The following TTC39B variants were observed in gnomAD, a reference collection of about 807,000 sequenced individuals.
TTC39B encodes the protein tetratricopeptide repeat domain 39B, also known as tetratricopeptide repeat protein 39B.
A neutral mutation model predicts 96.6 loss-of-function variants in TTC39B; 92 were observed. The ratio of observed to expected loss-of-function variants is 0.95; its 90% CI spans 0.80 to 1.13. The LOEUF (loss-of-function observed/expected upper bound fraction) is 1.13. Ranked by LOEUF, TTC39B falls within the 50% of genes most tolerant of loss-of-function variation. The pLI is 0.00. For missense variants in TTC39B, 955 were observed against 809.3 expected, an observed-to-expected ratio of 1.18 and a Z score of -2.18; for synonymous variants, 367 against 299.4, an observed-to-expected ratio of 1.23 and a Z score of -2.33.
chr9:15,203,730 AACTGAAGCTTTG>A (rs1383413918), intron 7 of TTC39B, 81 bp downstream of exon 7: 6 of 1,015,422 alleles, frequency 5.9e-6, no homozygotes, highest in Non-Finnish European at 8.6e-6. Context: ...AAGTCAAAAG[AACTGAAGCTTTG>A]ACATAGAATG....
At chr9:15,295,960 C>T (rs1210576439) in intron 1 of TTC39B, among the ~76,000 whole-genome samples, 4 of 152,198 alleles carry the variant, frequency 2.6e-5, no homozygotes, top group Non-Finnish European at 4.4e-5. Flanking sequence ...AGGACTCTCC[C>T]TCTCTGTCCT....
chr9:15,240,043 A>G (rs1314120726), intron 2 of TTC39B, among the ~76,000 whole-genome samples: 4 of 152,210 alleles, frequency 2.6e-5, no homozygotes, highest in Admixed American at 2.6e-4. Flanking sequence ...TGCTTCCCAG[A>G]CCAAATTCTG....
At chr9:15,291,883 C>T in intron 1 of TTC39B, among the ~76,000 whole-genome samples, 1 of 152,210 alleles carries the variant, frequency 6.6e-6, no homozygotes, top group East Asian at 1.9e-4. Flanking sequence ...AGTTCTGCCA[C>T]TTGCTGCCAA....
chr9:15,171,822 A>G, exon 20 of TTC39B: 1 of 357,498 alleles, frequency 2.8e-6, no homozygotes, highest in African/African-American at 2.1e-5. Flanking sequence ...AATTTTCTAG[A>G]TAATATAGAA....
intron 17 of TTC39B, among the ~76,000 whole-genome samples, chr9:15,180,820 G>T (rs1407227193): frequency 1.3e-5 from 2 of 152,166 alleles, no homozygotes; most frequent in African/African-American, 4.8e-5. Flanking sequence ...CCTAGAAGAG[G>T]TCATCATAAG....
At chr9:15,299,131 G>C (rs1235707859) in intron 1 of TTC39B, among the ~76,000 whole-genome samples, 1 of 152,144 alleles carries the variant, frequency 6.6e-6, no homozygotes, top group East Asian at 1.9e-4. Context: ...CCTGAGGCAG[G>C]AGCTGCATTT....
At chr9:15,177,427 G>A (rs1818000358) in intron 18 of TTC39B, among the ~76,000 whole-genome samples, 2 of 152,114 alleles carry the variant, frequency 1.3e-5, no homozygotes, top group African/African-American at 4.8e-5. Context: ...TGCTGCCAGA[G>A]TTTGGCTAGA....
At chr9:15,273,192 C>G (rs1410999980) in intron 1 of TTC39B, among the ~76,000 whole-genome samples, 1 of 152,116 alleles carries the variant, frequency 6.6e-6, no homozygotes, top group African/African-American at 2.4e-5. Flanking sequence ...ATTTTTATCT[C>G]TAGAGAACAA....
intron 18 of TTC39B, among the ~76,000 whole-genome samples, chr9:15,176,311 C>A (rs1259193707): frequency 6.6e-6 from 1 of 152,172 alleles, no homozygotes; most frequent in African/African-American, 2.4e-5. Flanking sequence ...AATAGGTCAT[C>A]CTTTTGATCA....
rs1586913604 is a variant in TTC39B at position 15,226,287 on chromosome 9, T to C, written c.276-275A>G. ...GTCTCCACCCAAAGATAGGATTGTATCTTGTATATATCCGTCCAGGTTTTT... is the reference window on the plus strand; with the variant it reads ...GTCTCCACCCAAAGATAGGATTGTACCTTGTATATATCCGTCCAGGTTTTT... On this transcript the variant is annotated intron_variant, in intron 2 of 19. Transcript: ENST00000512701. Among the ~76,000 whole-genome samples the C allele has an allele frequency of 3.3e-5, 5 of 152,344 alleles. No homozygotes were observed. The South Asian group carries it at 1.0e-3, about 32-fold the overall frequency.
chr9:15,261,231 C>T (rs1822933497), intron 2 of TTC39B, among the ~76,000 whole-genome samples: 1 of 152,114 alleles, frequency 6.6e-6, no homozygotes, highest in Non-Finnish European at 1.5e-5. Context: ...GTAATCCCAA[C>T]ACTATGGGAG....
chr9:15,214,315 A>G, intron 3 of TTC39B, 66 bp from the exon 4 acceptor site: 1 of 729,132 alleles, frequency 1.4e-6, no homozygotes, highest in Non-Finnish European at 2.2e-6. Flanking sequence ...GTCCGAAGGG[A>G]GTGTGTGTGT....
intron 2 of TTC39B, among the ~76,000 whole-genome samples, chr9:15,248,649 A>T (rs1822393319): frequency 6.7e-6 from 1 of 148,152 alleles, no homozygotes; most frequent in Admixed American, 6.8e-5. Context: ...ATGAACGAAT[A>T]TAAGATCTTT....
rs574804757 is a variant in TTC39B, at chr9:15,185,748, G to A, written c.1488-342C>T. On this transcript the variant is annotated intron_variant, in intron 15 of 19. Coordinates refer to ENST00000512701, the Ensembl canonical transcript of TTC39B. Reference sequence around the variant, plus strand: ...CAGGAAATCTAGGTATACAACTGGCGATTTCTACGAGTAAGCAGGAAAGAG... The same window carrying A: ...CAGGAAATCTAGGTATACAACTGGCAATTTCTACGAGTAAGCAGGAAAGAG... 9.8e-5 allele frequency among the ~76,000 whole-genome samples: 15 copies of A among 152,324 alleles called. No homozygotes were observed. The South Asian group carries it at 2.1e-3, about 21-fold the overall frequency.
chr9:15,184,997 C>T (rs943589685), intron 16 of TTC39B, among the ~76,000 whole-genome samples: 1 of 152,070 alleles, frequency 6.6e-6, no homozygotes, highest in Non-Finnish European at 1.5e-5. Flanking sequence ...AATTTCTTCA[C>T]TAAAAAATGG....
intron 1 of TTC39B, among the ~76,000 whole-genome samples, chr9:15,269,711 T>G (rs888016634): frequency 6.1e-5 from 9 of 147,490 alleles, no homozygotes; most frequent in African/African-American, 2.2e-4. Context: ...AAAAATTAGC[T>G]GGGCGTGGTG....
At chr9:15,232,428 T>A (rs912477819) in intron 2 of TTC39B, 1 of 152,270 alleles carries the variant, frequency 6.6e-6, no homozygotes, top group African/African-American at 2.4e-5. Context: ...CCTCTCTAGA[T>A]GAGAAGAAAC....
intron 1 of TTC39B, among the ~76,000 whole-genome samples, chr9:15,283,755 C>T (rs537795535): frequency 9.9e-5 from 15 of 152,090 alleles, no homozygotes; most frequent in South Asian, 8.3e-4. Context: ...TATTCAGTTA[C>T]GATTTTACAG....
In TTC39B at chr9:15,180,386, A is replaced by T. The variant is rs116247368; in HGVS notation, c.1723+1921T>A. On this transcript the variant is annotated intron_variant, in intron 17 of 19. Coordinates refer to ENST00000512701, the Ensembl canonical transcript of TTC39B. The stretch of plus-strand genomic sequence containing the variant: ...ACATGTTGAATTTAGTTAGATTTCA[A>T]ATGAAACACTATTGGAATTAATACC... 8.7e-3 allele frequency among the ~76,000 whole-genome samples: 1,332 copies of T among 152,354 alleles called. 19 individuals carry two copies. Among genetic ancestry groups the T allele is most frequent in the African/African-American group, 0.031 (1,274 of 41,582 alleles).
Sources: gnomAD v4.1 joint callset for allele counts (sites outside exome capture counted in the v4.1 genomes callset) on GRCh38, gnomAD v4.1.1 for gene constraint, MANE v1.5 for transcripts, NCBI Gene and HGNC (gene_info 2026-07-23, HGNC 2026-07-21) for gene names.